Variants in BANP observed in about 807,000 individuals in gnomAD.
BANP encodes the protein protein BANP.
A neutral mutation model predicts 68.1 loss-of-function variants in BANP; 11 were observed. The observed-to-expected ratio is 0.16, with a 90% CI of 0.10 to 0.27. The LOEUF (loss-of-function observed/expected upper bound fraction) is 0.27, where lower values mean the gene tolerates loss of function less well. Among genes scored for constraint, BANP ranks in the 10% least tolerant of loss-of-function variants. BANP has a pLI of 1.00. For missense variants in BANP, 504 were observed against 722.7 expected (o/e 0.70, Z 3.47); for synonymous variants, 329 against 303.2 (o/e 1.09, Z -0.88).
chr16:88,035,211 A>C, intron 9 of BANP, 112 bp from the exon 10 acceptor site: 2 of 1,023,122 alleles, frequency 2.0e-6, no homozygotes, highest in South Asian at 2.9e-5. Context: ...GGATTTAGTT[A>C]TCTTTTTGAA....
intron 8 of BANP, among the ~76,000 whole-genome samples, chr16:88,029,931 T>C (rs1178339544): frequency 1.3e-5 from 2 of 152,148 alleles, no homozygotes; most frequent in Non-Finnish European, 2.9e-5. Context: ...TCTTGGGTGT[T>C]TGGGGGACTC....
rs544797610 is a variant in BANP at position 88,006,086 on chromosome 16, T to C, written c.480-4T>C. On this transcript the variant is annotated splice_polypyrimidine_tract_variant and splice_region_variant and intron_variant, in intron 5 of 13. Coordinates refer to ENST00000682872, the MANE Select transcript of BANP (RefSeq NM_001386991.1). ...CGGGCTGGTGTGTTTTTTTTCCCGT[T>C]TAGCGCTGTGCCTGGGCGTCGGCAG... is the stretch of plus-strand genomic sequence containing the variant. The C allele has an allele frequency of 1.2e-6, 2 of 1,613,782 alleles. No homozygotes were observed. Among genetic ancestry groups the C allele is most frequent in the South Asian group, 2.2e-5 (2 of 91,064 alleles).
In BANP at chr16:87,968,081, T is replaced by C. The variant is rs1391743484; in HGVS notation, c.-68-6967T>C. Among the ~76,000 whole-genome samples, 3 of 77,694 alleles carry C rather than the reference T, an allele frequency of 3.9e-5. No individual in the cohort carries two copies. The East Asian group carries it at 2.3e-3, about 60-fold the overall frequency. The allele number at this position is 77,694 out of a possible 152,430, so 51.0% of individuals were successfully genotyped here. A position where few individuals can be genotyped will look rare whatever the true frequency, so the allele number is the denominator to read the frequency against. On this transcript the variant is annotated intron_variant, in intron 1 of 13. Coordinates refer to ENST00000682872, the MANE Select transcript of BANP (RefSeq NM_001386991.1). ...AAAAGGTTCTACAGGTTTTTTTGCCTTTTTTTTTTTAAAGGTTCTGAAAGC... is the reference window on the plus strand; with the variant it reads ...AAAAGGTTCTACAGGTTTTTTTGCCCTTTTTTTTTTAAAGGTTCTGAAAGC...
intron 3 of BANP, among the ~76,000 whole-genome samples, chr16:87,983,839 T>C (rs1046533644): frequency 6.6e-6 from 1 of 152,236 alleles, no homozygotes; most frequent in African/African-American, 2.4e-5. Context: ...AAACCATGAC[T>C]AAATCATCAC....
intron 4 of BANP, among the ~76,000 whole-genome samples, chr16:87,997,907 C>G (rs2067732553): frequency 6.6e-6 from 1 of 152,218 alleles, no homozygotes; most frequent in Non-Finnish European, 1.5e-5. Flanking sequence ...AGCCCTCAGA[C>G]TTTAAGTCAC....
chr16:88,040,915 A>G (rs960178865), intron 11 of BANP, among the ~76,000 whole-genome samples: 1 of 152,210 alleles, frequency 6.6e-6, no homozygotes, highest in African/African-American at 2.4e-5. Context: ...CTGATTCCCT[A>G]GTTCCAACTG....
At chr16:88,027,776 T>G in intron 8 of BANP, 126 bp downstream of exon 8, 1 of 1,172,916 alleles carries the variant, frequency 8.5e-7, no homozygotes, top group Non-Finnish European at 1.2e-6. Flanking sequence ...GGCCAGAGGC[T>G]TGCGCGGTGC....
chr16:88,065,082 G>A (rs966909757), intron 11 of BANP, among the ~76,000 whole-genome samples, 185 bp from the exon 12 acceptor site: 1 of 152,166 alleles, frequency 6.6e-6, no homozygotes, highest in African/African-American at 2.4e-5. Flanking sequence ...GGAATTTGAT[G>A]TTTTAATAAA....
chr16:88,041,372 G>A (rs1192833814), intron 11 of BANP, among the ~76,000 whole-genome samples: 5 of 152,190 alleles, frequency 3.3e-5, no homozygotes, highest in Non-Finnish European at 5.9e-5. Context: ...ATTGTGCTGC[G>A]TTGGTGTGAC....
At chr16:87,976,016 T>G (rs553994721) in intron 2 of BANP, among the ~76,000 whole-genome samples, 2 of 152,062 alleles carry the variant, frequency 1.3e-5, no homozygotes, top group East Asian at 3.9e-4. Context: ...CTTACCATGT[T>G]GTGTGTGTAA....
intron 11 of BANP, among the ~76,000 whole-genome samples, chr16:88,040,102 C>G (rs2080377147): frequency 1.3e-5 from 2 of 152,172 alleles, no homozygotes; most frequent in African/African-American, 2.4e-5. Context: ...GGTGCTGCCA[C>G]TCAGGGTAGC....
At chr16:87,971,439 G>T (rs887370711) in intron 1 of BANP, among the ~76,000 whole-genome samples, 2 of 152,056 alleles carry the variant, frequency 1.3e-5, no homozygotes, top group African/African-American at 4.8e-5. Flanking sequence ...AAGTAATTTT[G>T]TCTGGATATA....
chr16:88,072,608 C>G (rs1567948781), intron 13 of BANP, among the ~76,000 whole-genome samples: 1 of 152,272 alleles, frequency 6.6e-6, no homozygotes, highest in Non-Finnish European at 1.5e-5. Context: ...GTACCTCGGG[C>G]TGCTGTGGCC....
At chr16:88,026,760 C>G (rs1338353248) in intron 7 of BANP, among the ~76,000 whole-genome samples, 1 of 150,598 alleles carries the variant, frequency 6.6e-6, no homozygotes, top group African/African-American at 2.5e-5. Flanking sequence ...ACCGTGTTTA[C>G]CAGGGGAACA....
At chr16:88,058,639 G>A (rs540353875) in intron 11 of BANP, among the ~76,000 whole-genome samples, 17 of 152,176 alleles carry the variant, frequency 1.1e-4, no homozygotes, top group African/African-American at 4.1e-4. Context: ...CTAAGGAGTC[G>A]CAGCCCCAGA....
In BANP at chr16:87,975,024, T is replaced by A. The variant is rs1232774175; in HGVS notation, c.-68-24T>A. 6 of 1,082,830 alleles carry A rather than the reference T, an allele frequency of 5.5e-6. No homozygotes were observed. In the African/African-American group the frequency reaches 7.7e-5, roughly 14 times the overall value. The allele number at this position is 1,082,830 out of a possible 1,614,324, so 67.1% of individuals were successfully genotyped here. A position where few individuals can be genotyped will look rare whatever the true frequency, so the allele number is the denominator to read the frequency against. On this transcript the variant is annotated intron_variant, in intron 1 of 13. Transcript: ENST00000682872. ...TGTAGCGATGGTTAATGTCCTCTCC[T>A]CCTCCTTTGCTTCTGTTTGGTAGGT... is the stretch of plus-strand genomic sequence containing the variant.
chr16:87,989,113 A>G (rs1191053030), intron 4 of BANP, among the ~76,000 whole-genome samples: 6 of 152,238 alleles, frequency 3.9e-5, no homozygotes, highest in Non-Finnish European at 8.8e-5. Flanking sequence ...CAAAGAAAAG[A>G]AAAAGAAAGC....
upstream of BANP, among the ~76,000 whole-genome samples, chr16:87,950,008 G>C (rs932192176): frequency 1.3e-5 from 2 of 151,870 alleles, no homozygotes; most frequent in African/African-American, 4.8e-5. Flanking sequence ...CTCCCGAGTA[G>C]CTGGGACTAC....
chr16:87,989,638 GAC>G (rs2065386110), intron 4 of BANP, among the ~76,000 whole-genome samples: 1 of 122,072 alleles, frequency 8.2e-6, no homozygotes. Flanking sequence ...CAGGACACAG[GAC>G]ACAGGGCGGG....
Sources: gnomAD v4.1 joint callset for allele counts (sites outside exome capture counted in the v4.1 genomes callset) on GRCh38, gnomAD v4.1.1 for gene constraint, MANE v1.5 for transcripts, NCBI Gene and HGNC (gene_info 2026-07-23, HGNC 2026-07-21) for gene names.